The following ARHGEF10L variants were observed in gnomAD, a reference collection of about 807,000 sequenced individuals.
The protein encoded by ARHGEF10L is rho guanine nucleotide exchange factor 10-like protein.
ARHGEF10L carries 69 observed loss-of-function variants against 141.2 expected under a neutral mutation model. The observed-to-expected ratio is 0.49, with a 90% confidence interval of 0.40 to 0.60. ARHGEF10L has a LOEUF of 0.60. Ranked by LOEUF, ARHGEF10L falls within the 20% of genes least tolerant of loss-of-function variation. ARHGEF10L has a pLI of 0.00. For missense variants in ARHGEF10L, 1,482 were observed against 1,734.3 expected (o/e 0.85, Z 2.58); for synonymous variants, 711 against 718.5 (o/e 0.99, Z 0.17).
chr1:17,528,568 G>T, the ARHGEF10L span, among the ~76,000 whole-genome samples: 10 of 150,184 alleles, frequency 6.7e-5, no homozygotes, highest in Admixed American at 2.7e-4. Context: ...CATCCATCCA[G>T]CCATCCATCC....
chr1:17,665,758 G>A (rs566821325), intron 26 of ARHGEF10L, among the ~76,000 whole-genome samples: 6 of 152,294 alleles, frequency 3.9e-5, no homozygotes, highest in South Asian at 2.1e-4. Flanking sequence ...GTGTGTTTGC[G>A]CAAGTATATG....
rs764713908 is a variant in ARHGEF10L, at chr1:17,587,584, C to G, written c.162C>G (p.Ser54Arg). The G allele has an allele frequency of 6.2e-7, 1 of 1,614,156 alleles. No individual in the cohort carries two copies. The highest frequency in any genetic ancestry group is 8.5e-7 in the Non-Finnish European group (1 of 1,180,028). ...CCAGCGCAGCCCTGGGCGTCCCCAG[C>G]CTTGCTCCTGAGAGGGACACAGACC... is the stretch of plus-strand genomic sequence containing the variant. ...EDTSAALGVPSLAPERDTDPP... is the reference protein window; with the variant it reads ...EDTSAALGVPRLAPERDTDPP... The change falls in exon 3 of 29, where the codon AGC becomes AGG. Residue 54 changes from serine to arginine, a missense_variant. Transcript: ENST00000361221.
chr1:17,659,117 C>T (rs992112933), intron 25 of ARHGEF10L, among the ~76,000 whole-genome samples: 2 of 152,144 alleles, frequency 1.3e-5, no homozygotes, highest in African/African-American at 2.4e-5. Context: ...TTAGAGGTGG[C>T]CAAGCACTGG....
rs544900906 is a variant in ARHGEF10L at position 17,558,064 on chromosome 1, G to T, written c.-44+18114G>T. On this transcript the variant is annotated intron_variant, in intron 1 of 28. Transcript: ENST00000361221. This position sits in a 1 kb window ranked among gnomAD's most constrained non-coding sequence, Gnocchi z 4.2. ...TCTCCATTCATTTACCCACCCACCCGTGCATCCATCTGTCCATCTGTCCAT... is the reference window on the plus strand; with the variant it reads ...TCTCCATTCATTTACCCACCCACCCTTGCATCCATCTGTCCATCTGTCCAT... Among the ~76,000 whole-genome samples, 45 of 150,614 alleles carry T rather than the reference G, an allele frequency of 3.0e-4. No homozygotes were observed. Among genetic ancestry groups the T allele is most frequent in the African/African-American group, 8.1e-4 (33 of 40,822 alleles).
Position 17,626,320 on chromosome 1 carries a change from TC to T in ARHGEF10L, c.1410+275del, listed in dbSNP as rs1220483881. Among the ~76,000 whole-genome samples the T allele has an allele frequency of 3.3e-5, 5 of 152,238 alleles. No homozygotes were observed. The East Asian group carries it at 7.7e-4, about 24-fold the overall frequency. The stretch of plus-strand genomic sequence containing the variant: ...AGGAAGGGAGTGAAGGCACAGGGAA[TC>T]CCGGGACCCGCAGGGCTCCTGGCAT... On this transcript the variant is annotated intron_variant, in intron 14 of 28. Transcript: ENST00000361221.
the ARHGEF10L span, among the ~76,000 whole-genome samples, chr1:17,522,223 C>T: frequency 4.6e-5 from 7 of 152,200 alleles, no homozygotes; most frequent in South Asian, 2.1e-4. Flanking sequence ...ACCTCACGTG[C>T]GGCCTGTCCA....
At chr1:17,579,447 A>C (rs140958032) in intron 1 of ARHGEF10L, among the ~76,000 whole-genome samples, 2 of 152,204 alleles carry the variant, frequency 1.3e-5, no homozygotes, top group African/African-American at 4.8e-5. Context: ...GGCTCTTCCT[A>C]GCTGTGTGAT....
At chr1:17,634,454 A>C in intron 16 of ARHGEF10L, 94 bp from the exon 17 acceptor site, 1 of 1,599,058 alleles carries the variant, frequency 6.3e-7, no homozygotes, top group South Asian at 1.1e-5. Context: ...CCCGATGCCC[A>C]GCCCCATGGC....
chr1:17,552,545 C>T (rs1372580360), intron 1 of ARHGEF10L, among the ~76,000 whole-genome samples: 4 of 140,560 alleles, frequency 2.8e-5, no homozygotes, highest in African/African-American at 1.1e-4. Flanking sequence ...ACTACAGGTG[C>T]ATGCTACCAC....
At chr1:17,687,273 G>T (rs1030314284) in intron 26 of ARHGEF10L, among the ~76,000 whole-genome samples, 3 of 152,146 alleles carry the variant, frequency 2.0e-5, no homozygotes, top group African/African-American at 7.2e-5. Context: ...CTCCTCACTC[G>T]GTGATATCAT....
intron 26 of ARHGEF10L, among the ~76,000 whole-genome samples, chr1:17,684,560 TG>T (rs1208423308): frequency 6.6e-6 from 1 of 152,080 alleles, no homozygotes; most frequent in African/African-American, 2.4e-5. Flanking sequence ...CCGATACCTC[TG>T]GAGCCCTTAG....
At chr1:17,601,293 CTT>C (rs1390928433) in intron 4 of ARHGEF10L, among the ~76,000 whole-genome samples, 5 of 152,226 alleles carry the variant, frequency 3.3e-5, no homozygotes, top group Admixed American at 6.5e-5. Context: ...ACCTGGGTCT[CTT>C]GGTTCGGGAC....
chr1:17,656,115 G>A lies in ARHGEF10L; in HGVS notation c.2705+13G>A. 6.5e-7 allele frequency: 1 copy of A among 1,549,492 alleles called. No homozygotes were observed. The highest frequency in any genetic ancestry group is 2.4e-5 in the East Asian group (1 of 41,004). ...TCCAGGATGGCAGGTGAGGGGCCCGGAAGGAGGGGTGAGAGCAGCCTCTGC... is the reference window on the plus strand; with the variant it reads ...TCCAGGATGGCAGGTGAGGGGCCCGAAAGGAGGGGTGAGAGCAGCCTCTGC... On this transcript the variant is annotated intron_variant, in intron 24 of 28. Transcript: ENST00000361221. The surrounding 1 kb of genome is among the most constrained non-coding windows in gnomAD (Gnocchi z 4.9).
the ARHGEF10L span, among the ~76,000 whole-genome samples, chr1:17,523,473 C>A: frequency 1.3e-5 from 2 of 152,210 alleles, no homozygotes; most frequent in African/African-American, 4.8e-5. Context: ...GCTCATTGAG[C>A]CCTCCTGGCA....
rs1020418799 is a variant in ARHGEF10L, at chr1:17,639,970, C to T, written c.2172-232C>T. ...GCCAGGCTGGGGAGCGTGGCTCAGC[C>T]ACCCTGGCCAGGTACCTCCCTCTGG... On this transcript the variant is annotated intron_variant, in intron 20 of 28. Coordinates refer to ENST00000361221, the MANE Select transcript of ARHGEF10L (RefSeq NM_018125.4). This position sits in a 1 kb window ranked among gnomAD's most constrained non-coding sequence, Gnocchi z 4.3. 6.7e-7 allele frequency: 1 copy of T among 1,495,010 alleles called. No individual in the cohort carries two copies. The highest frequency in any genetic ancestry group is 1.4e-5 in the African/African-American group (1 of 72,054). 92.6% of individuals were successfully genotyped at this position (1,495,010 alleles called of 1,614,324 possible). A position where few individuals can be genotyped will look rare whatever the true frequency, so the allele number is the denominator to read the frequency against.
intron 1 of ARHGEF10L, among the ~76,000 whole-genome samples, chr1:17,550,661 A>AG (rs2077080087): frequency 6.8e-6 from 1 of 147,896 alleles, no homozygotes; most frequent in African/African-American, 2.5e-5. Flanking sequence ...AAAAAAAAAA[A>AG]GCCAAAAAAC....
chr1:17,684,139 G>A (rs2064370902), intron 26 of ARHGEF10L, among the ~76,000 whole-genome samples: 1 of 152,214 alleles, frequency 6.6e-6, no homozygotes, highest in African/African-American at 2.4e-5. Flanking sequence ...GACAGCAGGT[G>A]CTGAAGGGGT....
chr1:17,666,633 C>T (rs1305554316), intron 26 of ARHGEF10L, among the ~76,000 whole-genome samples: 6 of 152,100 alleles, frequency 3.9e-5, no homozygotes, highest in East Asian at 1.9e-4. Flanking sequence ...CCCGGTTCCT[C>T]GGTCCCCTTT....
Position 17,554,391 on chromosome 1 carries a change from G to A in ARHGEF10L, c.-44+14441G>A, listed in dbSNP as rs141005223. Among the ~76,000 whole-genome samples the A allele has an allele frequency of 8.9e-3, 1,355 of 152,156 alleles. 17 individuals are homozygous for A. The highest frequency in any genetic ancestry group is 0.028 in the South Asian group (136 of 4,814). On this transcript the variant is annotated intron_variant, in intron 1 of 28. Transcript: ENST00000361221. ...GCGGCTGGCAGGGAGGGAGACAGAG[G>A]AGCTGAGGGTCAGACAGCAGAGCTA... is the stretch of plus-strand genomic sequence containing the variant.
Sources: gnomAD v4.1 joint callset for allele counts (sites outside exome capture counted in the v4.1 genomes callset) on GRCh38, gnomAD v4.1.1 for gene constraint, Gnocchi (gnomAD v3.1) non-coding constraint, MANE v1.5 for transcripts, NCBI Gene and HGNC (gene_info 2026-07-23, HGNC 2026-07-21) for gene names.